The following GLIS3 variants were observed in gnomAD, a reference collection of about 807,000 sequenced individuals.
GLIS3 encodes GLIS family zinc finger 3, also known as zinc finger protein GLIS3.
A neutral mutation model predicts 78.6 loss-of-function variants in GLIS3; 53 were observed. The observed-to-expected ratio is 0.67, with a 90% CI of 0.54 to 0.85. GLIS3 has a LOEUF of 0.85. GLIS3 is among the 40% of genes least tolerant of loss of function. The probability of loss-of-function intolerance (pLI) is 0.00; values close to 1 mark genes in which losing one functional copy is unlikely to be tolerated. For synonymous variants in GLIS3, 684 were observed against 509.9 expected (o/e 1.34, Z -4.60); for missense variants, 1,703 against 1,231.1 (o/e 1.38, Z -5.74).
intron 2 of GLIS3, among the ~76,000 whole-genome samples, chr9:4,340,431 A>G (rs1817818264): frequency 1.3e-5 from 2 of 152,150 alleles, no homozygotes; most frequent in African/African-American, 4.8e-5. Context: ...AGGATGAAAC[A>G]TTCTTTTATT....
chr9:4,320,813 T>G (rs998840648), intron 2 of GLIS3, among the ~76,000 whole-genome samples: 1 of 152,166 alleles, frequency 6.6e-6, no homozygotes, highest in Non-Finnish European at 1.5e-5. Flanking sequence ...TTGTATTATG[T>G]CTTAAGAAGG....
intron 1 of GLIS3, among the ~76,000 whole-genome samples, chr9:4,296,681 C>T (rs564572009): frequency 6.6e-6 from 1 of 152,094 alleles, no homozygotes; most frequent in Non-Finnish European, 1.5e-5. Context: ...AATTGATCTA[C>T]TCATACTCAA....
At chr9:4,353,194 A>G (rs1817996798), upstream of GLIS3, among the ~76,000 whole-genome samples, 1 of 152,186 alleles carries the variant, frequency 6.6e-6, no homozygotes, top group Non-Finnish European at 1.5e-5. Flanking sequence ...ATTAAAGGCT[A>G]AAACTTGAGG....
intron 4 of GLIS3, among the ~76,000 whole-genome samples, chr9:3,971,937 T>C (rs929376867): frequency 4.6e-5 from 7 of 152,162 alleles, no homozygotes; most frequent in African/African-American, 1.7e-4. Flanking sequence ...TTGAGTGGCA[T>C]GTGTTTGCTC....
intron 2 of GLIS3, among the ~76,000 whole-genome samples, chr9:4,154,300 T>C (rs181871465): frequency 6.6e-6 from 1 of 152,082 alleles, no homozygotes; most frequent in Non-Finnish European, 1.5e-5. Context: ...AAAGAGAATA[T>C]AGAATGGGAG....
chr9:4,396,225 G>A, the GLIS3 span, among the ~76,000 whole-genome samples: 21 of 151,858 alleles, frequency 1.4e-4, no homozygotes, highest in South Asian at 4.2e-4. Context: ...CGATTCTTCT[G>A]CCTCAGCTTC....
At chr9:4,357,912 G>A in the GLIS3 span, among the ~76,000 whole-genome samples, 6 of 152,142 alleles carry the variant, frequency 3.9e-5, no homozygotes, top group East Asian at 1.9e-4. Context: ...AATGGCAAAC[G>A]AACAACGCAA....
intron 2 of GLIS3, among the ~76,000 whole-genome samples, chr9:4,343,619 C>T (rs111757284): frequency 1.1e-3 from 167 of 152,294 alleles, no homozygotes; most frequent in African/African-American, 3.7e-3. Context: ...CACATGTATG[C>T]TTATCACAGC....
At chr9:4,478,327 C>T in the GLIS3 span, among the ~76,000 whole-genome samples, 1 of 152,094 alleles carries the variant, frequency 6.6e-6, no homozygotes, top group African/African-American at 2.4e-5. Flanking sequence ...AAATAAAAAG[C>T]CCCGGCGCAG....
chr9:3,941,562 T>C (rs1815920322), intron 4 of GLIS3, among the ~76,000 whole-genome samples: 1 of 152,130 alleles, frequency 6.6e-6, no homozygotes, highest in Non-Finnish European at 1.5e-5. Context: ...AAACATCCCA[T>C]ACTTCTACTG....
At chr9:4,383,470 G>T in the GLIS3 span, among the ~76,000 whole-genome samples, 3 of 152,134 alleles carry the variant, frequency 2.0e-5, no homozygotes, top group Non-Finnish European at 4.4e-5. Flanking sequence ...AGATAACATA[G>T]AACTCTTCAC....
At chr9:4,228,566 A>G (rs1161552594) in intron 2 of GLIS3, among the ~76,000 whole-genome samples, 1 of 152,216 alleles carries the variant, frequency 6.6e-6, no homozygotes, top group Non-Finnish European at 1.5e-5. Flanking sequence ...GAAGCTGCAA[A>G]TACAGCCAGG....
At chr9:4,295,811 A>G in intron 1 of GLIS3, among the ~76,000 whole-genome samples, 1 of 152,238 alleles carries the variant, frequency 6.6e-6, no homozygotes, top group East Asian at 1.9e-4. Flanking sequence ...AACTCTGCCT[A>G]AAGTAAGTGG....
intron 4 of GLIS3, among the ~76,000 whole-genome samples, chr9:3,945,231 T>C (rs1204666482): frequency 3.9e-5 from 6 of 152,228 alleles, no homozygotes; most frequent in Non-Finnish European, 8.8e-5. Flanking sequence ...GATTACCACA[T>C]AGCCAACTAT....
At chr9:4,249,889 G>C (rs192160744) in intron 2 of GLIS3, among the ~76,000 whole-genome samples, 1 of 152,280 alleles carries the variant, frequency 6.6e-6, no homozygotes, top group East Asian at 1.9e-4. Flanking sequence ...TGTGGTTTTT[G>C]TCATAGGTTC....
chr9:4,431,152 T>G, the GLIS3 span, among the ~76,000 whole-genome samples: 40,698 of 152,150 alleles, frequency 0.27, 5,680 homozygotes, highest in East Asian at 0.42. Flanking sequence ...ATGAAAGTTA[T>G]TTTGTGGAGC....
At chr9:4,038,611 A>G (rs1824532234) in intron 4 of GLIS3, among the ~76,000 whole-genome samples, 1 of 152,230 alleles carries the variant, frequency 6.6e-6, no homozygotes, top group Non-Finnish European at 1.5e-5. Flanking sequence ...TTTTATCCTG[A>G]AAGCAGGCAT....
At chr9:4,131,651 C>A (rs1250436365) in intron 2 of GLIS3, among the ~76,000 whole-genome samples, 2 of 152,130 alleles carry the variant, frequency 1.3e-5, no homozygotes, top group Admixed American at 1.3e-4. Flanking sequence ...TGAGGCCACC[C>A]CAAATACTGT....
chr9:4,468,985 C>A, the GLIS3 span, among the ~76,000 whole-genome samples: 2 of 152,092 alleles, frequency 1.3e-5, no homozygotes, highest in Non-Finnish European at 2.9e-5. Context: ...GATTTGCAAT[C>A]CTAGTCTCTG....
Sources: gnomAD v4.1 joint callset for allele counts (sites outside exome capture counted in the v4.1 genomes callset) on GRCh38, gnomAD v4.1.1 for gene constraint, MANE v1.5 for transcripts, NCBI Gene and HGNC (gene_info 2026-07-23, HGNC 2026-07-21) for gene names.